TRPC1: variants seen among roughly 807,000 people sequenced by gnomAD.
TRPC1 encodes the protein transient receptor potential cation channel subfamily C member 1, also known as short transient receptor potential channel 1.
A neutral mutation model predicts 88.2 loss-of-function variants in TRPC1; 42 were observed. The ratio of observed to expected loss-of-function variants is 0.48; its 90% CI spans 0.37 to 0.62. The LOEUF is 0.62. TRPC1 is among the 20% of genes least tolerant of loss of function. The pLI, the probability that TRPC1 is intolerant of heterozygous loss-of-function variation, is 0.00. For synonymous variants in TRPC1, 288 were observed against 331.8 expected, an observed-to-expected ratio of 0.87 and a Z score of 1.43; for missense variants, 699 against 957.3, an observed-to-expected ratio of 0.73 and a Z score of 3.56.
At chr3:142,785,165 A>T (rs942774508) in intron 7 of TRPC1, 125 bp downstream of exon 7, 32 of 769,048 alleles carry the variant, frequency 4.2e-5, no homozygotes, top group Non-Finnish European at 5.5e-5. Context: ...CAAGAATTTG[A>T]ACACTTCCAT....
At chr3:142,760,054 C>G (rs1439134692) in intron 4 of TRPC1, among the ~76,000 whole-genome samples, 2 of 152,084 alleles carry the variant, frequency 1.3e-5, no homozygotes, top group Admixed American at 1.3e-4. Context: ...TCTCGATCTC[C>G]TGACCTCATG....
chr3:142,793,909 T>TG, intron 9 of TRPC1: 1 of 985,220 alleles, frequency 1.0e-6, no homozygotes, highest in Non-Finnish European at 1.2e-6. Context: ...AGCAACAGTG[T>TG]TTCCTGAAGT....
chr3:142,768,250 C>T (rs891588862), intron 4 of TRPC1, among the ~76,000 whole-genome samples: 2 of 152,028 alleles, frequency 1.3e-5, no homozygotes, highest in Admixed American at 6.6e-5. Context: ...TACTGGTTTT[C>T]TATCAATTTC....
intron 1 of TRPC1, among the ~76,000 whole-genome samples, 158 bp from the exon 2 acceptor site, chr3:142,736,221 T>G (rs960994389): frequency 2.0e-5 from 3 of 152,158 alleles, no homozygotes; most frequent in Non-Finnish European, 4.4e-5. Context: ...GGTATAAATT[T>G]TCATCAAGGA....
In TRPC1 at chr3:142,806,572, G is replaced by A. The variant is rs1253945211; in HGVS notation, c.*337G>A. ...ATGGACACATTGCCCAGAATGTTTTGTAAAATGAAGACCAGCAAATGTAGG... is the reference window on the plus strand; with the variant it reads ...ATGGACACATTGCCCAGAATGTTTTATAAAATGAAGACCAGCAAATGTAGG... On this transcript the variant is annotated 3_prime_UTR_variant, in exon 13 of 13. Coordinates refer to ENST00000476941, the MANE Select transcript of TRPC1 (RefSeq NM_001251845.2). 5.9e-6 allele frequency: 1 copy of A among 170,236 alleles called. No homozygotes were observed. Among genetic ancestry groups the A allele is most frequent in the East Asian group, 1.6e-4 (1 of 6,104 alleles). 10.5% of individuals were successfully genotyped at this position (170,236 alleles called of 1,614,324 possible). A position where few individuals can be genotyped will look rare whatever the true frequency, so the allele number is the denominator to read the frequency against.
At position 142,730,104 on chromosome 3, in the gene TRPC1, CTG is replaced by C. The variant is rs111890460; in HGVS notation, c.172+5377_172+5378del. On this transcript the variant is annotated intron_variant, in intron 1 of 12. Transcript: ENST00000476941. ...GCAACACAATAAATCCTTTCTGAGA[CTG>C]TGTTGCAACAACCTGATATAAACTA... is the stretch of plus-strand genomic sequence containing the variant. Among the ~76,000 whole-genome samples the C allele has an allele frequency of 8.7e-4, 133 of 152,216 alleles. 1 individual carries two copies. The highest frequency in any genetic ancestry group is 3.1e-3 in the African/African-American group (130 of 41,558).
At chr3:142,803,847 A>T in intron 10 of TRPC1, 130 bp from the exon 11 acceptor site, 1 of 919,582 alleles carries the variant, frequency 1.1e-6, no homozygotes, top group Non-Finnish European at 1.6e-6. Context: ...GGAAGTCAAC[A>T]TCATTTTTAA....
intron 4 of TRPC1, among the ~76,000 whole-genome samples, chr3:142,765,334 T>A (rs1935344368): frequency 6.6e-6 from 1 of 152,108 alleles, no homozygotes. Context: ...TTAAAATTCA[T>A]ATGGAACCAA....
chr3:142,758,845 G>A (rs762934559), intron 4 of TRPC1, among the ~76,000 whole-genome samples: 8 of 92,032 alleles, frequency 8.7e-5, no homozygotes, highest in Admixed American at 1.6e-4. Flanking sequence ...CCCACAATAG[G>A]CCCTGGTGTG....
Position 142,784,961 on chromosome 3 carries a change from T to C in TRPC1, c.1218T>C (p.Leu406=). The C allele has an allele frequency of 6.2e-7, 1 of 1,613,942 alleles. No homozygotes were observed. The highest frequency in any genetic ancestry group is 8.5e-7 in the Non-Finnish European group (1 of 1,179,970). ...TGCTGTTGCTTAATCTATACTCTCT[T>C]GTCTACAATGAGGATAAGAAAAACA... is the stretch of plus-strand genomic sequence containing the variant. ...TFLLLLNLYS[L]VYNEDKKNTM... The change falls in exon 7 of 13, where the codon CTT becomes CTC. Residue 406 remains leucine, a synonymous_variant. Coordinates refer to ENST00000476941, the MANE Select transcript of TRPC1 (RefSeq NM_001251845.2).
chr3:142,793,019 C>A, intron 9 of TRPC1, 52 bp downstream of exon 9: 1 of 1,427,156 alleles, frequency 7.0e-7, no homozygotes, highest in Non-Finnish European at 9.4e-7. Flanking sequence ...ATTATTGTTA[C>A]ATCTTTCTCC....
intron 4 of TRPC1, among the ~76,000 whole-genome samples, chr3:142,754,089 C>CAAAAAA (rs10609600): frequency 2.3e-5 from 2 of 86,132 alleles, no homozygotes; most frequent in African/African-American, 4.1e-5. Flanking sequence ...GACTCCGTCT[C>CAAAAAA]AAAAAAAAAA....
chr3:142,802,950 C>G (rs1677207125), intron 10 of TRPC1, among the ~76,000 whole-genome samples: 1 of 152,114 alleles, frequency 6.6e-6, no homozygotes, highest in South Asian at 2.1e-4. Flanking sequence ...TGTGTGTCAT[C>G]TTATGTAAAG....
chr3:142,735,200 T>C (rs1934082951), intron 1 of TRPC1, among the ~76,000 whole-genome samples: 1 of 152,222 alleles, frequency 6.6e-6, no homozygotes, highest in Admixed American at 6.5e-5. Flanking sequence ...AGAAGTTGTA[T>C]GTGTGAGGCA....
intron 3 of TRPC1, among the ~76,000 whole-genome samples, chr3:142,745,505 G>A (rs970131616): frequency 6.6e-6 from 1 of 152,074 alleles, no homozygotes; most frequent in Non-Finnish European, 1.5e-5. Context: ...TTAGCCGGGC[G>A]TGGTGCCGTG....
At chr3:142,728,149 GA>G (rs1933755162) in intron 1 of TRPC1, among the ~76,000 whole-genome samples, 1 of 152,058 alleles carries the variant, frequency 6.6e-6, no homozygotes, top group African/African-American at 2.4e-5. Context: ...GTATTTTCAG[GA>G]AATCTGATGT....
rs534455714 is a variant in TRPC1 at position 142,767,882 on chromosome 3, AT to A, written c.633-9743del. Among the ~76,000 whole-genome samples, 4 of 150,044 alleles carry A rather than the reference AT, an allele frequency of 2.7e-5. No homozygotes were observed. The highest frequency in any genetic ancestry group is 4.4e-5 in the Non-Finnish European group (3 of 67,642). ...TTCTTAGTTTTTAATTGGTTATCTGATTTTTTTATTGATGAATTGTGTGTGT... is the reference window on the plus strand; with the variant it reads ...TTCTTAGTTTTTAATTGGTTATCTGATTTTTTATTGATGAATTGTGTGTGT... On this transcript the variant is annotated intron_variant, in intron 4 of 12. Transcript: ENST00000476941. The surrounding 1 kb of genome is among the most constrained non-coding windows in gnomAD (Gnocchi z 5.1).
At chr3:142,732,252 G>T (rs980899382) in intron 1 of TRPC1, among the ~76,000 whole-genome samples, 1 of 152,068 alleles carries the variant, frequency 6.6e-6, no homozygotes, top group African/African-American at 2.4e-5. Flanking sequence ...TAAGGAGTTA[G>T]GCTCCTACCC....
chr3:142,728,273 T>C (rs1030403398), intron 1 of TRPC1, among the ~76,000 whole-genome samples: 1 of 151,898 alleles, frequency 6.6e-6, no homozygotes, highest in African/African-American at 2.4e-5. Context: ...CTCAGTGTCC[T>C]GTGTCACCTT....
Sources: gnomAD v4.1 joint callset for allele counts (sites outside exome capture counted in the v4.1 genomes callset) on GRCh38, gnomAD v4.1.1 for gene constraint, Gnocchi (gnomAD v3.1) non-coding constraint, MANE v1.5 for transcripts, NCBI Gene and HGNC (gene_info 2026-07-23, HGNC 2026-07-21) for gene names.